The following RREB1 variants were observed in gnomAD, a reference collection of about 807,000 sequenced individuals.
RREB1 encodes the protein ras-responsive element-binding protein 1.
Under a neutral mutation model 117.8 loss-of-function variants are expected in RREB1, and 27 were observed. That is an observed-to-expected ratio of 0.23 (90% confidence interval 0.17 to 0.32). RREB1 has a LOEUF of 0.32. Among genes scored for constraint, RREB1 ranks in the 10% least tolerant of loss-of-function variants. RREB1 has a pLI of 1.00. For synonymous variants in RREB1, 1,298 were observed against 1,026.7 expected (o/e 1.26, Z -5.05); for missense variants, 2,577 against 2,378.2 (o/e 1.08, Z -1.74).
chr6:7,183,782 A>C (rs181602461), intron 4 of RREB1: 2 of 152,226 alleles, frequency 1.3e-5, no homozygotes, highest in East Asian at 3.9e-4. Context: ...TTAATCTAAA[A>C]AAACAAAACT....
At chr6:7,180,817 G>A (rs781639466) in intron 2 of RREB1, among the ~76,000 whole-genome samples, 25 of 152,350 alleles carry the variant, frequency 1.6e-4, no homozygotes, top group Non-Finnish European at 3.1e-4. Context: ...GCAAGGGACT[G>A]AGGCACAGTG....
intron 2 of RREB1, among the ~76,000 whole-genome samples, chr6:7,179,492 AAG>A (rs758870433): frequency 2.6e-5 from 4 of 152,230 alleles, no homozygotes; most frequent in Non-Finnish European, 5.9e-5. Flanking sequence ...AATTACAGGA[AAG>A]AGAGATTTCT....
chr6:7,193,717 T>C (rs1255013928), intron 6 of RREB1, among the ~76,000 whole-genome samples: 1 of 152,212 alleles, frequency 6.6e-6, no homozygotes, highest in Non-Finnish European at 1.5e-5. Flanking sequence ...ATACACCTTA[T>C]ACACATAGCC....
At chr6:7,131,172 C>T (rs1049930918) in intron 1 of RREB1, among the ~76,000 whole-genome samples, 1 of 151,686 alleles carries the variant, frequency 6.6e-6, no homozygotes, top group Non-Finnish European at 1.5e-5. Context: ...GCGATCCATC[C>T]ACGTCGGCCT....
At chr6:7,204,357 A>T (rs1766155415) in intron 6 of RREB1, among the ~76,000 whole-genome samples, 2 of 144,544 alleles carry the variant, frequency 1.4e-5, no homozygotes, top group Non-Finnish European at 3.0e-5. Context: ...GTTTGCATAG[A>T]ACTTGATTGG....
In RREB1 at chr6:7,189,190, C is replaced by T. The variant is rs1298126807; in HGVS notation, c.293C>T (p.Ser98Leu). ...ACAGACACTGGAGGAGCCGACCACT[C>T]ATGCAGCATCTGCGGAAAGTCACTG... is the stretch of plus-strand genomic sequence containing the variant. ...HNTDTGGADH[S>L]CSICGKSLSS... Residue 98 changes from serine to leucine, a missense_variant, in exon 6 of 13, where the codon TCA (serine) becomes TTA (leucine). Ser to Leu is a moderately radical substitution (Grantham distance 145). Transcript: ENST00000379938. The T allele has an allele frequency of 6.2e-7, 1 of 1,613,674 alleles. No individual in the cohort carries two copies. The highest frequency in any genetic ancestry group is 8.5e-7 in the Non-Finnish European group (1 of 1,179,994).
intron 1 of RREB1, among the ~76,000 whole-genome samples, chr6:7,114,011 C>T (rs1171039751): frequency 6.6e-6 from 1 of 152,144 alleles, no homozygotes; most frequent in East Asian, 1.9e-4. Flanking sequence ...TTTTGCACAC[C>T]TCCATTACCT....
intron 1 of RREB1, among the ~76,000 whole-genome samples, chr6:7,130,385 C>T (rs1762101648): frequency 6.6e-6 from 1 of 152,158 alleles, no homozygotes; most frequent in East Asian, 1.9e-4. Flanking sequence ...CTCTGGACGT[C>T]ACCCTGGGTG....
intron 6 of RREB1, among the ~76,000 whole-genome samples, chr6:7,209,861 T>C (rs2113615549): frequency 6.6e-6 from 1 of 152,386 alleles, no homozygotes; most frequent in East Asian, 1.9e-4. Flanking sequence ...ATAGAATAGT[T>C]ATTCATAAAA....
At chr6:7,127,655 T>C (rs1245371326) in intron 1 of RREB1, among the ~76,000 whole-genome samples, 1 of 152,056 alleles carries the variant, frequency 6.6e-6, no homozygotes, top group Non-Finnish European at 1.5e-5. Flanking sequence ...CAGTTGGGAG[T>C]GACTGCAGGG....
At chr6:7,118,101 C>T (rs1413215192) in intron 1 of RREB1, among the ~76,000 whole-genome samples, 1 of 152,088 alleles carries the variant, frequency 6.6e-6, no homozygotes, top group Non-Finnish European at 1.5e-5. Context: ...CATATATTTT[C>T]CTCTTCAATA....
intron 3 of RREB1, 60 bp downstream of exon 3, chr6:7,181,306 A>T (rs1447353772): frequency 2.5e-6 from 1 of 399,738 alleles, no homozygotes; most frequent in East Asian, 3.6e-5. Context: ...TACCTGCTTT[A>T]TACATATTTT....
intron 6 of RREB1, among the ~76,000 whole-genome samples, chr6:7,194,769 T>C (rs924850820): frequency 6.6e-6 from 1 of 152,212 alleles, no homozygotes; most frequent in Non-Finnish European, 1.5e-5. Flanking sequence ...TGTAAAAGGG[T>C]TCTGAAGGTT....
At chr6:7,110,437 A>G (rs775904326) in intron 1 of RREB1, among the ~76,000 whole-genome samples, 9 of 152,016 alleles carry the variant, frequency 5.9e-5, no homozygotes, top group Non-Finnish European at 1.2e-4. Flanking sequence ...GAGCTACTCT[A>G]CAAGTAATTT....
Position 7,249,078 on chromosome 6 carries a change from AGAGAG to A in RREB1, c.*111_*115del. The A allele has an allele frequency of 7.2e-6, 5 of 698,442 alleles. No individual in the cohort carries two copies. The highest frequency in any genetic ancestry group is 1.1e-5 in the Non-Finnish European group (5 of 447,910). 43.3% of individuals were successfully genotyped at this position (698,442 alleles called of 1,614,324 possible). ...GTTGAGGAGTGAGAGAGAGAGAGAG[AGAGAG>A]AGAGAGAGAGAGAGAGAGAGACAAG... On this transcript the variant is annotated 3_prime_UTR_variant, in exon 13 of 13. Transcript: ENST00000379938.
rs200278722 is a variant in RREB1 at position 7,237,385 on chromosome 6, C to CT, written c.3809-3043dup. ...TACAGGTGTGAGCCTCCGTGCCGGC[C>CT]TTTTTTTTTTATTATTATTTGTTAT... On this transcript the variant is annotated intron_variant, in intron 10 of 12. Transcript: ENST00000379938. Among the ~76,000 whole-genome samples the CT allele has an allele frequency of 8.7e-3, 1,294 of 148,590 alleles. 19 individuals carry two copies. Among genetic ancestry groups the CT allele is most frequent in the African/African-American group, 0.029 (1,151 of 40,046 alleles).
chr6:7,226,565 C>G lies in RREB1; in HGVS notation c.806C>G (p.Pro269Arg). 1 of 1,614,148 alleles carries G rather than the reference C, an allele frequency of 6.2e-7. No homozygotes were observed. The highest frequency in any genetic ancestry group is 8.5e-7 in the Non-Finnish European group (1 of 1,179,982). ...KQLPRDAMGR[P>R]FIQNNPSIPA... Reference sequence around the variant, plus strand: ...CTTCCCAGGGATGCAATGGGCAGACCTTTCATACAGAACAACCCTTCAATT... The same window carrying G: ...CTTCCCAGGGATGCAATGGGCAGACGTTTCATACAGAACAACCCTTCAATT... Residue 269 changes from proline (P) to arginine (R), a missense_variant, in exon 9 of 13, where the codon CCT becomes CGT. Coordinates refer to ENST00000379938, the MANE Select transcript of RREB1 (RefSeq NM_001003699.4).
At chr6:7,232,046 C>T (rs952990321) in intron 10 of RREB1, 139 bp downstream of exon 10, 1 of 879,230 alleles carries the variant, frequency 1.1e-6, no homozygotes, top group Non-Finnish European at 1.7e-6. Context: ...TCCGAAGCCC[C>T]GAGCTTGTCT....
At chr6:7,153,090 A>G (rs1219077036) in intron 1 of RREB1, among the ~76,000 whole-genome samples, 1 of 144,874 alleles carries the variant, frequency 6.9e-6, no homozygotes, top group Non-Finnish European at 1.5e-5. Flanking sequence ...AGGAGGTATT[A>G]ATCTTTGTGA....
Sources: gnomAD v4.1 joint callset for allele counts (sites outside exome capture counted in the v4.1 genomes callset) on GRCh38, gnomAD v4.1.1 for gene constraint, MANE v1.5 for transcripts, NCBI Gene and HGNC (gene_info 2026-07-23, HGNC 2026-07-21) for gene names.